Variants in HOXA10 observed in about 807,000 individuals in gnomAD.
HOXA10 encodes the protein homeobox protein Hox-A10.
A neutral mutation model predicts 29.7 loss-of-function variants in HOXA10; 12 were observed. That is an observed-to-expected ratio of 0.40 (90% CI 0.26 to 0.65). The LOEUF (loss-of-function observed/expected upper bound fraction) is 0.65, where lower values mean the gene tolerates loss of function less well. Among genes scored for constraint, HOXA10 ranks in the 30% least tolerant of loss-of-function variants. HOXA10 has a pLI of 0.37. For missense variants in HOXA10, 656 were observed against 585.9 expected, an observed-to-expected ratio of 1.12 and a Z score of -1.24; for synonymous variants, 327 against 280.7, an observed-to-expected ratio of 1.16 and a Z score of -1.65.
chr7:27,175,896 A>T (rs1416452615), upstream of HOXA10, among the ~76,000 whole-genome samples: 1 of 152,240 alleles, frequency 6.6e-6, no homozygotes, highest in Non-Finnish European at 1.5e-5. Context: ...ATCCAGCCCA[A>T]GGTGGAAGAG....
chr7:27,177,277 T>C (rs913148846), upstream of HOXA10, among the ~76,000 whole-genome samples: 1 of 152,206 alleles, frequency 6.6e-6, no homozygotes, highest in Non-Finnish European at 1.5e-5. Flanking sequence ...TTAGTATGAC[T>C]TTTTCCCCCT....
chr7:27,179,253 A>G (rs987171740), upstream of HOXA10, among the ~76,000 whole-genome samples: 2 of 151,202 alleles, frequency 1.3e-5, no homozygotes, highest in Admixed American at 1.3e-4. Flanking sequence ...GCGGCCGCAG[A>G]CTTCTACCAC....
chr7:27,173,043 G>T (rs1045704662), intron 1 of HOXA10: 5 of 469,918 alleles, frequency 1.1e-5, no homozygotes, highest in Admixed American at 7.3e-5. Context: ...AGGGACCAGG[G>T]CTCTGGGTCC....
At chr7:27,177,195 T>A (rs557633320), upstream of HOXA10, among the ~76,000 whole-genome samples, 2 of 152,378 alleles carry the variant, frequency 1.3e-5, no homozygotes, top group South Asian at 4.1e-4. Context: ...AGGCCTGCTA[T>A]GGGCCTCGCA....
Position 27,174,070 on chromosome 7 carries a change from C to A in HOXA10, c.237G>T (p.Gly79=), listed in dbSNP as rs1256677863. 1 of 1,554,844 alleles carries A rather than the reference C, an allele frequency of 6.4e-7. No homozygotes were observed. Among genetic ancestry groups the A allele is most frequent in the East Asian group, 2.3e-5 (1 of 42,712 alleles). The change falls in exon 1 of 2, where the codon GGG becomes GGT. Residue 79 remains glycine, a synonymous_variant. Coordinates refer to ENST00000283921, the MANE Select transcript of HOXA10 (RefSeq NM_018951.4). ...ADLPYGLQSC[G]LFPTLGGKRN... ...GCTTGCCGCCCAGCGTGGGGAAGAG[C>A]CCGCAGCTCTGCAGCCCGTAGGGCA...
At chr7:27,177,847 C>T (rs1425836924), upstream of HOXA10, among the ~76,000 whole-genome samples, 2 of 152,186 alleles carry the variant, frequency 1.3e-5, no homozygotes, top group African/African-American at 2.4e-5. Context: ...TTGCCTCAAC[C>T]AGGCCTTATG....
intron 1 of HOXA10, chr7:27,173,070 G>C (rs1783543883): frequency 3.8e-6 from 2 of 520,164 alleles, no homozygotes; most frequent in Non-Finnish European, 6.9e-6. Context: ...CCACAGGAAA[G>C]AGCGCACAGG....
At position 27,173,663 on chromosome 7, in the gene HOXA10, C is replaced by G; in HGVS notation, c.644G>C (p.Arg215Pro). 6.5e-7 allele frequency: 1 copy of G among 1,549,962 alleles called. No individual in the cohort carries two copies. The highest frequency in any genetic ancestry group is 8.7e-7 in the Non-Finnish European group (1 of 1,147,038). Residue 215 changes from arginine to proline, a missense_variant, in exon 1 of 2, where the codon CGC becomes CCC. This residue lies in a region of HOXA10 where 594 missense variants were observed against 491.9 expected (regional missense o/e 1.21). Transcript: ENST00000283921. ...SSGVPVPGYF[R>P]LSQAYGTAKG... Reference sequence around the variant, plus strand: ...GGCGGTGCCGTAGGCCTGAGAAAGGCGGAAGTAGCCAGGCACTGGCACCCC... The same window carrying G: ...GGCGGTGCCGTAGGCCTGAGAAAGGGGGAAGTAGCCAGGCACTGGCACCCC...
At chr7:27,178,174 C>T (rs551377958), upstream of HOXA10, among the ~76,000 whole-genome samples, 42 of 152,252 alleles carry the variant, frequency 2.8e-4, no homozygotes, top group East Asian at 1.3e-3. Context: ...AATTATCCAG[C>T]GGTGGAGTTG....
At chr7:27,176,095 G>A (rs1441997196), upstream of HOXA10, among the ~76,000 whole-genome samples, 1 of 152,228 alleles carries the variant, frequency 6.6e-6, no homozygotes, top group African/African-American at 2.4e-5. Flanking sequence ...TGACCCGGCC[G>A]TAAGGACTGA....
Position 27,173,478 on chromosome 7 carries a change from T to G in HOXA10, c.829A>C (p.Thr277Pro), listed in dbSNP as rs1301571382. ...ERALDSPPPP[T>P]LACGSGGGSQ... The stretch of plus-strand genomic sequence containing the variant: ...CCCCCGCCGCTGCCGCAAGCCAGCG[T>G]GGGGGGCGGCGGCGAATCGAGGGCT... Residue 277 changes from threonine (T) to proline (P), a missense_variant, in exon 1 of 2, where the codon ACG becomes CCG. Thr to Pro is a conservative substitution (Grantham distance 38). Coordinates refer to ENST00000283921, the MANE Select transcript of HOXA10 (RefSeq NM_018951.4). 1 of 1,564,732 alleles carries G rather than the reference T, an allele frequency of 6.4e-7. No homozygotes were observed.
upstream of HOXA10, among the ~76,000 whole-genome samples, chr7:27,178,070 C>T (rs144158576): frequency 6.6e-6 from 1 of 152,176 alleles, no homozygotes; most frequent in Non-Finnish European, 1.5e-5. Context: ...TTATGAAAAA[C>T]AAGTTCCTAA....
Position 27,171,461 on chromosome 7 carries a change from C to A in HOXA10, c.*438G>T, listed in dbSNP as rs1783484634. On this transcript the variant is annotated 3_prime_UTR_variant, in exon 2 of 2. Transcript: ENST00000283921. ...TCCAGGCAGACATGCCCGGTGGCGG[C>A]TCCTTTGCACCATTGACCTCAGGCC... 4.4e-6 allele frequency: 2 copies of A among 457,164 alleles called. No homozygotes were observed. Among genetic ancestry groups the A allele is most frequent in the South Asian group, 3.1e-5 (2 of 64,506 alleles). The allele number at this position is 457,164 out of a possible 1,614,324, so 28.3% of individuals were successfully genotyped here.
At chr7:27,179,634 G>A in intron 1 of HOXA10, 1 of 778,472 alleles carries the variant, frequency 1.3e-6, no homozygotes, top group Non-Finnish European at 2.4e-6. Flanking sequence ...TGCTAAACTT[G>A]TGGCCTCTTA....
chr7:27,173,001 C>A (rs1219674803), intron 1 of HOXA10: 5 of 342,688 alleles, frequency 1.5e-5, no homozygotes, highest in Non-Finnish European at 2.7e-5. Flanking sequence ...CCTCCCCCTC[C>A]CCCCGCGTGG....
chr7:27,170,610 TC>T lies in HOXA10; in HGVS notation c.*1288del. 1 of 342,908 alleles carries T rather than the reference TC, an allele frequency of 2.9e-6. No homozygotes were observed. The highest frequency in any genetic ancestry group is 5.6e-6 in the Non-Finnish European group (1 of 177,774). The allele number at this position is 342,908 out of a possible 1,614,324, so 21.2% of individuals were successfully genotyped here. A position where few individuals can be genotyped will look rare whatever the true frequency, so the allele number is the denominator to read the frequency against. On this transcript the variant is annotated 3_prime_UTR_variant, in exon 2 of 2. Coordinates refer to ENST00000283921, the MANE Select transcript of HOXA10 (RefSeq NM_018951.4). The stretch of plus-strand genomic sequence containing the variant: ...AAGAGGTAAAATTAAAAAGCTTCAT[TC>T]CACAGCTTTTATTCTATAAGAACAT...
At position 27,171,350 on chromosome 7, in the gene HOXA10, A is replaced by AAGCCC; in HGVS notation, c.*544_*548dup. 1 of 454,414 alleles carries AAGCCC rather than the reference A, an allele frequency of 2.2e-6. No homozygotes were observed. The highest frequency in any genetic ancestry group is 4.4e-6 in the Non-Finnish European group (1 of 226,854). 28.1% of individuals were successfully genotyped at this position (454,414 alleles called of 1,614,324 possible). A position where few individuals can be genotyped will look rare whatever the true frequency, so the allele number is the denominator to read the frequency against. On this transcript the variant is annotated 3_prime_UTR_variant, in exon 2 of 2. Coordinates refer to ENST00000283921, the MANE Select transcript of HOXA10 (RefSeq NM_018951.4). ...TGCCAACCTGCATGTCCATGCCTGT[A>AAGCCC]AGCCCTTCTCTTGGCCAAGGAAGAA... is the stretch of plus-strand genomic sequence containing the variant.
Position 27,173,741 on chromosome 7 carries a change from G to A in HOXA10, c.566C>T (p.Ala189Val). 6.3e-7 allele frequency: 1 copy of A among 1,598,760 alleles called. No homozygotes were observed. Among genetic ancestry groups the A allele is most frequent in the South Asian group, 1.1e-5 (1 of 88,880 alleles). The change falls in exon 1 of 2, where the codon GCT becomes GTT. Residue 189 changes from alanine (A) to valine (V), a missense_variant. Physicochemically the swap from Ala to Val is moderately conservative, Grantham distance 64. Transcript: ENST00000283921. The part of the protein sequence containing the change: ...PKVSATAAEL[A>V]PFPRGPPPDG... ...GGGCGGCGGGCCCCGCGGGAAGGGAGCCAGTTCGGCGGCGGTGGCCGAGAC... is the reference window on the plus strand; with the variant it reads ...GGGCGGCGGGCCCCGCGGGAAGGGAACCAGTTCGGCGGCGGTGGCCGAGAC...
At chr7:27,173,016 C>T (rs1783542515) in intron 1 of HOXA10, 3 of 358,340 alleles carry the variant, frequency 8.4e-6, no homozygotes, top group Non-Finnish European at 1.5e-5. Flanking sequence ...GCGTGGGCCG[C>T]GCCGCGCAGG....
Sources: allele counts gnomAD v4.1 joint callset (sites outside exome capture counted in the v4.1 genomes callset), GRCh38; gene constraint gnomAD v4.1.1; regional missense constraint gnomAD v4.1.1; transcripts MANE v1.5; gene names NCBI Gene and HGNC (gene_info 2026-07-23, HGNC 2026-07-21).